DNMT3B: variants seen among roughly 807,000 people sequenced by gnomAD.
The protein encoded by DNMT3B is DNA methyltransferase 3 beta.
DNMT3B carries 37 observed loss-of-function variants against 120.2 expected under a neutral mutation model. The observed-to-expected ratio is 0.31, with a 90% CI of 0.24 to 0.40. The LOEUF (loss-of-function observed/expected upper bound fraction) is 0.40, where lower values mean the gene tolerates loss of function less well. Ranked by LOEUF, DNMT3B falls within the 10% of genes least tolerant of loss-of-function variation. The pLI, the probability that DNMT3B is intolerant of heterozygous loss-of-function variation, is 1.00. For missense variants in DNMT3B, 878 were observed against 1,137.3 expected (o/e 0.77, Z 3.28); for synonymous variants, 412 against 442.8 (o/e 0.93, Z 0.87).
At chr20:32,781,948 G>A (rs1601079151) in intron 3 of DNMT3B, among the ~76,000 whole-genome samples, 1 of 152,350 alleles carries the variant, frequency 6.6e-6, no homozygotes, top group South Asian at 2.1e-4. Context: ...CAAAGTGCAG[G>A]AGTGATGACG....
intron 1 of DNMT3B, among the ~76,000 whole-genome samples, chr20:32,769,845 C>G (rs1360487374): frequency 6.6e-6 from 1 of 152,096 alleles, no homozygotes; most frequent in Non-Finnish European, 1.5e-5. Context: ...CTCCTGAATT[C>G]AAGCAGGAAC....
At chr20:32,799,496 CCTTGCAGT>C (rs1981061948) in intron 16 of DNMT3B, among the ~76,000 whole-genome samples, 168 bp downstream of exon 16, 1 of 152,154 alleles carries the variant, frequency 6.6e-6, no homozygotes, top group South Asian at 2.1e-4. Flanking sequence ...TTCTCAACCA[CCTTGCAGT>C]CTTGGTCATT....
At chr20:32,787,136 T>C in intron 5 of DNMT3B, 94 bp from the exon 6 acceptor site, 1 of 1,457,148 alleles carries the variant, frequency 6.9e-7, no homozygotes. Context: ...TCTTTCCTCT[T>C]TCTTTTTGCC....
In DNMT3B at chr20:32,763,768, T is replaced by C. The variant is rs374291987; in HGVS notation, c.-7+1069T>C. ...CGCGCCTCCAGCTTTCCCTGCTCCC[T>C]TTTCCTCCCCTGGTCTAGGAGAGAG... On this transcript the variant is annotated intron_variant, in intron 1 of 22. Coordinates refer to ENST00000328111, the MANE Select transcript of DNMT3B (RefSeq NM_006892.4). 3.9e-5 allele frequency among the ~76,000 whole-genome samples: 6 copies of C among 152,290 alleles called. No individual in the cohort carries two copies. In the East Asian group the frequency reaches 9.6e-4, roughly 24 times the overall value.
Position 32,789,003 on chromosome 20 carries a change from G to T in DNMT3B, c.804G>T (p.Lys268Asn). 1 of 1,614,142 alleles carries T rather than the reference G, an allele frequency of 6.2e-7. No individual in the cohort carries two copies. Among genetic ancestry groups the T allele is most frequent in the Non-Finnish European group, 8.5e-7 (1 of 1,180,026 alleles). The change falls in exon 7 of 23, where the codon AAG becomes AAT. Residue 268 changes from lysine to asparagine, a missense_variant. Lys to Asn is a moderately conservative substitution (Grantham distance 94). Transcript: ENST00000328111. ...GGGTCCAGTGGTTTGGCGATGGCAA[G>T]TTCTCCGAGGTGAGTCCGGGGAAGG... Reference protein sequence around the residue: ...MRWVQWFGDGKFSEVSADKLV... With the variant: ...MRWVQWFGDGNFSEVSADKLV...
chr20:32,784,705 G>A (rs1456506636), intron 3 of DNMT3B, 53 bp from the exon 4 acceptor site: 2 of 1,599,672 alleles, frequency 1.3e-6, no homozygotes, highest in East Asian at 2.2e-5. Flanking sequence ...TTGTTTCTTT[G>A]ACTTGCTGAT....
At chr20:32,764,624 G>A (rs1001684336) in intron 1 of DNMT3B, among the ~76,000 whole-genome samples, 2 of 152,170 alleles carry the variant, frequency 1.3e-5, no homozygotes, top group African/African-American at 4.8e-5. Context: ...TAAGGGTTGG[G>A]GCCGTTTTTA....
At chr20:32,784,891 GTGGCCAA>G in intron 4 of DNMT3B, 32 bp downstream of exon 4, 10 of 1,607,628 alleles carry the variant, frequency 6.2e-6, no homozygotes, top group Non-Finnish European at 8.5e-6. Flanking sequence ...CAAAGCACTT[GTGGCCAA>G]CACTCTACAT....
intron 1 of DNMT3B, among the ~76,000 whole-genome samples, chr20:32,766,997 T>A (rs1343773271): frequency 6.6e-6 from 1 of 152,122 alleles, no homozygotes; most frequent in Non-Finnish European, 1.5e-5. Context: ...TTCAAGTGAT[T>A]CTCCTGCGTC....
intron 21 of DNMT3B, among the ~76,000 whole-genome samples, chr20:32,805,831 G>C (rs1268436511): frequency 6.6e-6 from 1 of 151,614 alleles, no homozygotes; most frequent in Non-Finnish European, 1.5e-5. Flanking sequence ...GTATCTGGGT[G>C]GTTTTTACTT....
intron 1 of DNMT3B, among the ~76,000 whole-genome samples, chr20:32,771,538 G>T (rs553913990): frequency 1.9e-4 from 28 of 150,700 alleles, no homozygotes; most frequent in African/African-American, 6.6e-4. Context: ...GGAAGCTGAG[G>T]CAGGAGAATC....
At chr20:32,788,140 G>C (rs549758966) in intron 6 of DNMT3B, among the ~76,000 whole-genome samples, 1 of 152,012 alleles carries the variant, frequency 6.6e-6, no homozygotes, top group South Asian at 2.1e-4. Flanking sequence ...GCTTAAACGT[G>C]CAAGTCACAG....
intron 9 of DNMT3B, 67 bp downstream of exon 9, chr20:32,792,837 G>A (rs1980143955): frequency 1.2e-6 from 2 of 1,604,302 alleles, no homozygotes. Context: ...GGGAGAGTCA[G>A]CCACCCCTGC....
chr20:32,796,695 C>A, intron 12 of DNMT3B, 95 bp from the exon 13 acceptor site: 1 of 1,382,608 alleles, frequency 7.2e-7, no homozygotes, highest in Non-Finnish European at 1.0e-6. Flanking sequence ...AGCTGCTGGC[C>A]TGGAGGGAAA....
chr20:32,802,437 G>A lies in DNMT3B; in HGVS notation c.2198G>A (p.Arg733Gln), dbSNP rs747182299. 5.0e-6 allele frequency: 8 copies of A among 1,614,066 alleles called. No individual in the cohort carries two copies. In the African/African-American group the frequency reaches 6.7e-5, roughly 13 times the overall value. Residue 733 changes from arginine (R) to glutamine (Q), a missense_variant, in exon 20 of 23, where the codon CGA (arginine) becomes CAA (glutamine). Transcript: ENST00000328111. ...AIKVSAAHRA[R>Q]YFWGNLPGMN... ...AAAGTTTCTGCTGCTCACAGGGCCCGATACTTCTGGGGCAACCTACCCGGG... is the reference window on the plus strand; with the variant it reads ...AAAGTTTCTGCTGCTCACAGGGCCCAATACTTCTGGGGCAACCTACCCGGG...
chr20:32,798,839 T>C (rs1264581326), intron 15 of DNMT3B, among the ~76,000 whole-genome samples, 196 bp downstream of exon 15: 1 of 152,242 alleles, frequency 6.6e-6, no homozygotes, highest in African/African-American at 2.4e-5. Context: ...CACTCCCTCC[T>C]TGCCGGCTTC....
At position 32,781,342 on chromosome 20, in the gene DNMT3B, T is replaced by A. The variant is rs1471534093; in HGVS notation, c.143-11T>A. The A allele has an allele frequency of 1.2e-6, 2 of 1,614,156 alleles. No homozygotes were observed. The highest frequency in any genetic ancestry group is 3.3e-5 in the Admixed American group (2 of 60,022). On this transcript the variant is annotated splice_polypyrimidine_tract_variant and intron_variant, in intron 2 of 22. Transcript: ENST00000328111. ...CCCCACAAAACAGACTCCTGGCTGTTTCCTCTACAGGCCGAAGATCAAGCT... is the reference window on the plus strand; with the variant it reads ...CCCCACAAAACAGACTCCTGGCTGTATCCTCTACAGGCCGAAGATCAAGCT...
rs140978291 is a variant in DNMT3B, at chr20:32,792,677, T to A, written c.973T>A (p.Leu325Met). 2 of 1,614,218 alleles carry A rather than the reference T, an allele frequency of 1.2e-6. No homozygotes were observed. Among genetic ancestry groups the A allele is most frequent in the Non-Finnish European group, 1.7e-6 (2 of 1,180,034 alleles). The change falls in exon 9 of 23, where the codon TTG (leucine) becomes ATG (methionine). Residue 325 changes from leucine (L) to methionine (M), a missense_variant. Transcript: ENST00000328111. Reference sequence around the variant, plus strand: ...CTTCCCCAGCAGCCCTGGAGACTCATTGGAGGACCAGCTGAAGCCCATGTT... The same window carrying A: ...CTTCCCCAGCAGCCCTGGAGACTCAATGGAGGACCAGCTGAAGCCCATGTT... Reference protein sequence around the residue: ...KTFPSSPGDSLEDQLKPMLEW... With the variant: ...KTFPSSPGDSMEDQLKPMLEW...
intron 2 of DNMT3B, among the ~76,000 whole-genome samples, chr20:32,780,752 C>T (rs1569688): frequency 0.095 from 14,443 of 152,090 alleles, 2,177 homozygotes; most frequent in African/African-American, 0.32. Flanking sequence ...AGCATGGGCC[C>T]TTGGAGAGCC....
Sources: allele counts gnomAD v4.1 joint callset (sites outside exome capture counted in the v4.1 genomes callset), GRCh38; gene constraint gnomAD v4.1.1; transcripts MANE v1.5; gene names NCBI Gene and HGNC (gene_info 2026-07-23, HGNC 2026-07-21).